Variants in KIF24 observed in about 807,000 individuals in gnomAD.
KIF24 encodes the protein kinesin-like protein KIF24.
Under a neutral mutation model 118.9 loss-of-function variants are expected in KIF24, and 81 were observed. That is an observed-to-expected ratio of 0.68 (90% confidence interval 0.57 to 0.82). The LOEUF (loss-of-function observed/expected upper bound fraction) is 0.82, where lower values mean the gene tolerates loss of function less well. Ranked by LOEUF, KIF24 falls within the 40% of genes least tolerant of loss-of-function variation. KIF24 has a pLI of 0.00. For synonymous variants in KIF24, 599 were observed against 610.0 expected, an observed-to-expected ratio of 0.98 and a Z score of 0.27; for missense variants, 1,560 against 1,661.6, an observed-to-expected ratio of 0.94 and a Z score of 1.06.
upstream of KIF24, among the ~76,000 whole-genome samples, chr9:34,330,989 T>C (rs1837913725): frequency 6.6e-6 from 1 of 152,132 alleles, no homozygotes; most frequent in African/African-American, 2.4e-5. Flanking sequence ...ATTATTCTTA[T>C]AATAAGAACA....
At chr9:34,289,817 T>C (rs1836183937) in intron 5 of KIF24, among the ~76,000 whole-genome samples, 1 of 152,194 alleles carries the variant, frequency 6.6e-6, no homozygotes, top group South Asian at 2.1e-4. Flanking sequence ...GAAAACATTA[T>C]TTATAGTTTT....
intron 1 of KIF24, among the ~76,000 whole-genome samples, chr9:34,315,469 C>G (rs886823631): frequency 6.6e-6 from 1 of 152,010 alleles, no homozygotes; most frequent in Non-Finnish European, 1.5e-5. Context: ...AGATTAATAC[C>G]TCAGGGAAAT....
chr9:34,294,251 C>A (rs528384055), intron 4 of KIF24, among the ~76,000 whole-genome samples: 29 of 152,292 alleles, frequency 1.9e-4, no homozygotes, highest in Admixed American at 1.4e-3. Flanking sequence ...CTGTGCCCGA[C>A]TGACACTTTC....
chr9:34,266,808 A>C (rs1835311564), intron 8 of KIF24, among the ~76,000 whole-genome samples: 1 of 152,226 alleles, frequency 6.6e-6, no homozygotes, highest in Non-Finnish European at 1.5e-5. Flanking sequence ...GTCATATCAG[A>C]AAGCCAGGAA....
At chr9:34,295,033 T>C (rs2131767355) in intron 4 of KIF24, among the ~76,000 whole-genome samples, 1 of 152,326 alleles carries the variant, frequency 6.6e-6, no homozygotes, top group South Asian at 2.1e-4. Context: ...AAAAGTTGTT[T>C]GAAAAAACAG....
intron 3 of KIF24, among the ~76,000 whole-genome samples, chr9:34,297,760 TAAA>T (rs11381710): frequency 7.0e-6 from 1 of 142,428 alleles, no homozygotes; most frequent in Non-Finnish European, 1.5e-5. Context: ...AGATTCCATT[TAAA>T]AAAAAAAAAA....
At chr9:34,325,428 C>T (rs1341804073) in intron 1 of KIF24, among the ~76,000 whole-genome samples, 1 of 151,248 alleles carries the variant, frequency 6.6e-6, no homozygotes, top group Non-Finnish European at 1.5e-5. Flanking sequence ...CACGGTGGCT[C>T]ATGCCTGTAA....
chr9:34,258,735 A>G (rs962652906), intron 10 of KIF24, among the ~76,000 whole-genome samples: 2 of 152,196 alleles, frequency 1.3e-5, no homozygotes, highest in African/African-American at 4.8e-5. Flanking sequence ...AGGCTTCTCT[A>G]GGAAGATGAG....
chr9:34,276,634 T>C (rs1835671092), intron 6 of KIF24, among the ~76,000 whole-genome samples: 1 of 152,210 alleles, frequency 6.6e-6, no homozygotes, highest in Non-Finnish European at 1.5e-5. Flanking sequence ...AGCAATAGTA[T>C]GTTTCTAAAG....
chr9:34,291,725 C>T (rs985806287), intron 4 of KIF24, among the ~76,000 whole-genome samples: 3 of 151,976 alleles, frequency 2.0e-5, no homozygotes, highest in Non-Finnish European at 4.4e-5. Flanking sequence ...TGAACATAAT[C>T]TTAGAGCTGT....
intron 8 of KIF24, among the ~76,000 whole-genome samples, chr9:34,265,773 T>G (rs1436961292): frequency 6.6e-6 from 1 of 152,104 alleles, no homozygotes; most frequent in African/African-American, 2.4e-5. Context: ...TGCTAGGAAC[T>G]AAGATTTCTA....
chr9:34,298,812 C>A (rs1449487220), intron 3 of KIF24, among the ~76,000 whole-genome samples: 1 of 151,990 alleles, frequency 6.6e-6, no homozygotes, highest in African/African-American at 2.4e-5. Flanking sequence ...TATTTGACAA[C>A]CATGGAAATA....
chr9:34,298,930 A>G (rs1019276576), intron 3 of KIF24, among the ~76,000 whole-genome samples: 1 of 152,132 alleles, frequency 6.6e-6, no homozygotes, highest in African/African-American at 2.4e-5. Flanking sequence ...ATTTGGAAAA[A>G]GACAGAAAAA....
At position 34,311,104 on chromosome 9, in the gene KIF24, G is replaced by A. The variant is rs768263775; in HGVS notation, c.243C>T (p.Ser81=). 2 of 1,613,560 alleles carry A rather than the reference G, an allele frequency of 1.2e-6. No individual in the cohort carries two copies. The highest frequency in any genetic ancestry group is 8.5e-7 in the Non-Finnish European group (1 of 1,179,658). ...VSIPERHLQT[S]SLRIKSQELR... The stretch of plus-strand genomic sequence containing the variant: ...ATTCCTGAGATTTGATGCGCAGGCT[G>A]CTTGTCTGAAGATGACGCTCTGGGA... The change falls in exon 2 of 13, where the codon AGC becomes AGT. Residue 81 remains serine (S), a synonymous_variant. Transcript: ENST00000402558.
intron 2 of KIF24, 53 bp from the exon 3 acceptor site, chr9:34,306,494 T>A: frequency 7.9e-7 from 1 of 1,262,332 alleles, no homozygotes; most frequent in Non-Finnish European, 1.1e-6. Flanking sequence ...CAAGATTACT[T>A]AACAGGTCAA....
At chr9:34,321,136 C>T (rs1231692664) in intron 1 of KIF24, among the ~76,000 whole-genome samples, 2 of 152,158 alleles carry the variant, frequency 1.3e-5, no homozygotes, top group African/African-American at 4.8e-5. Context: ...CCACCAAACA[C>T]ATTCTTATTC....
intron 9 of KIF24, among the ~76,000 whole-genome samples, chr9:34,262,400 T>C (rs111361499): frequency 2.0e-5 from 3 of 151,840 alleles, no homozygotes; most frequent in African/African-American, 7.3e-5. Flanking sequence ...GGAAGAAAAG[T>C]TGTTTTGGAT....
chr9:34,267,545 A>G (rs1835339690), intron 8 of KIF24, among the ~76,000 whole-genome samples: 1 of 152,160 alleles, frequency 6.6e-6, no homozygotes, highest in South Asian at 2.1e-4. Context: ...ACACATATGT[A>G]ATTCTAAATT....
chr9:34,285,772 C>G (rs370419896), intron 6 of KIF24, among the ~76,000 whole-genome samples: 1 of 126,958 alleles, frequency 7.9e-6, no homozygotes, highest in African/African-American at 3.1e-5. Context: ...GAGACTCCAT[C>G]TCAAAAAAAA....
Sources: allele counts gnomAD v4.1 joint callset (sites outside exome capture counted in the v4.1 genomes callset), GRCh38; gene constraint gnomAD v4.1.1; transcripts MANE v1.5; gene names NCBI Gene and HGNC (gene_info 2026-07-23, HGNC 2026-07-21).